Variants in RIPOR2 observed in about 807,000 individuals in gnomAD.
The protein encoded by RIPOR2 is rho family-interacting cell polarization regulator 2.
Under a neutral mutation model 114.5 loss-of-function variants are expected in RIPOR2, and 39 were observed. The observed-to-expected ratio is 0.34, with a 90% CI of 0.26 to 0.44. RIPOR2 has a LOEUF of 0.44. Ranked by LOEUF, RIPOR2 falls within the 20% of genes least tolerant of loss-of-function variation. RIPOR2 has a pLI of 1.00. For synonymous variants in RIPOR2, 445 were observed against 484.4 expected, an observed-to-expected ratio of 0.92 and a Z score of 1.07; for missense variants, 1,007 against 1,255.1, an observed-to-expected ratio of 0.80 and a Z score of 2.99.
At chr6:24,874,809 A>T (rs1310524516) in intron 2 of RIPOR2, among the ~76,000 whole-genome samples, 1 of 152,262 alleles carries the variant, frequency 6.6e-6, no homozygotes, top group African/African-American at 2.4e-5. Flanking sequence ...ATTCTATATG[A>T]CATTAAAATA....
chr6:24,901,529 G>T (rs1332935899), intron 1 of RIPOR2, among the ~76,000 whole-genome samples: 1 of 152,098 alleles, frequency 6.6e-6, no homozygotes, highest in Non-Finnish European at 1.5e-5. Context: ...AAATTCAAAG[G>T]GCAAACTTTT....
intron 8 of RIPOR2, among the ~76,000 whole-genome samples, chr6:24,857,925 T>C (rs2113815774): frequency 6.6e-6 from 1 of 152,330 alleles, no homozygotes; most frequent in Middle Eastern, 3.4e-3. Flanking sequence ...TAATTCTCCA[T>C]AGCTCTTCTC....
chr6:24,881,213 C>T (rs1209116188), intron 1 of RIPOR2, among the ~76,000 whole-genome samples: 1 of 152,236 alleles, frequency 6.6e-6, no homozygotes, highest in Non-Finnish European at 1.5e-5. Context: ...CATTGTACTC[C>T]AGCCTGGGTG....
At chr6:24,945,843 T>A (rs1772377011) in intron 1 of RIPOR2, among the ~76,000 whole-genome samples, 1 of 152,118 alleles carries the variant, frequency 6.6e-6, no homozygotes, top group South Asian at 2.1e-4. Flanking sequence ...ATAAAAAATT[T>A]CTTTTATTCT....
chr6:24,999,131 A>T (rs988406890), intron 1 of RIPOR2, among the ~76,000 whole-genome samples: 18 of 152,186 alleles, frequency 1.2e-4, no homozygotes, highest in African/African-American at 3.9e-4. Context: ...GAGAATAAAA[A>T]TTCCAGGCAG....
rs1382502442 is a variant in RIPOR2 at position 25,001,430 on chromosome 6, C to CTGGCCAACA, written c.76+40412_76+40420dup. On this transcript the variant is annotated intron_variant, in intron 1 of 13. Coordinates refer to the RIPOR2 transcript ENST00000510784. Reference sequence around the variant, plus strand: ...ACGAGGTCAGGAGTTTGAGACCAGCCTGGCCAACATGGTGTAACCCCGTCT... The same window carrying CTGGCCAACA: ...ACGAGGTCAGGAGTTTGAGACCAGCCTGGCCAACATGGCCAACATGGTGTAACCCCGTCT... Among the ~76,000 whole-genome samples the CTGGCCAACA allele has an allele frequency of 2.0e-5, 3 of 151,996 alleles. No individual in the cohort carries two copies. In the East Asian group the frequency reaches 5.9e-4, roughly 30 times the overall value.
intron 1 of RIPOR2, among the ~76,000 whole-genome samples, chr6:25,009,319 T>A (rs970327564): frequency 9.1e-4 from 139 of 152,366 alleles, no homozygotes; most frequent in African/African-American, 3.1e-3. Context: ...GCAGTTTCTC[T>A]GAATTCACTT....
At chr6:24,974,308 T>C (rs1389066180) in intron 1 of RIPOR2, among the ~76,000 whole-genome samples, 3 of 152,116 alleles carry the variant, frequency 2.0e-5, no homozygotes, top group Non-Finnish European at 4.4e-5. Flanking sequence ...AGTTCCAGGC[T>C]GCAGTGAGCC....
At chr6:24,847,828 G>A in intron 12 of RIPOR2, 197 bp downstream of exon 12, 9 of 1,167,878 alleles carry the variant, frequency 7.7e-6, no homozygotes, top group Non-Finnish European at 1.1e-5. Context: ...GCTGATCTTA[G>A]AGAATGTTCA....
intron 19 of RIPOR2, among the ~76,000 whole-genome samples, chr6:24,822,069 C>T (rs1467596552): frequency 6.6e-6 from 1 of 152,150 alleles, no homozygotes; most frequent in African/African-American, 2.4e-5. Flanking sequence ...GGTGCATGTC[C>T]AGCTTGTGTA....
intron 1 of RIPOR2, among the ~76,000 whole-genome samples, chr6:24,904,228 A>C (rs1768744985): frequency 6.6e-6 from 1 of 152,238 alleles, no homozygotes; most frequent in Non-Finnish European, 1.5e-5. Flanking sequence ...AATGGGTCTC[A>C]CTGGACTAAA....
chr6:24,872,876 C>T lies in RIPOR2; in HGVS notation c.423+5G>A. 6.3e-7 allele frequency: 1 copy of T among 1,591,544 alleles called. No individual in the cohort carries two copies. The highest frequency in any genetic ancestry group is 8.6e-7 in the Non-Finnish European group (1 of 1,160,856). ...TTAACATCATAATGACTGCATAGTA[C>T]CTACCAGGCGAGAGTTTCTTTTCAT... On this transcript the variant is annotated splice_donor_5th_base_variant and intron_variant, in intron 4 of 21. Transcript: ENST00000643898.
intron 13 of RIPOR2, 135 bp from the exon 14 acceptor site, chr6:24,839,407 C>T: frequency 7.0e-7 from 1 of 1,431,562 alleles, no homozygotes; most frequent in South Asian, 1.5e-5. Flanking sequence ...TTAAAAAATG[C>T]ATTTAAAAAT....
At chr6:24,839,376 G>GTT in intron 13 of RIPOR2, 104 bp from the exon 14 acceptor site, 1 of 1,437,936 alleles carries the variant, frequency 7.0e-7, no homozygotes, top group Non-Finnish European at 9.2e-7. Context: ...TTTGTTTCAA[G>GTT]TTTTTATTTT....
intron 1 of RIPOR2, among the ~76,000 whole-genome samples, chr6:24,953,801 C>A (rs754503453): frequency 2.0e-5 from 3 of 152,218 alleles, no homozygotes; most frequent in Non-Finnish European, 4.4e-5. Context: ...TCCAATCATA[C>A]ATCTGCATGA....
chr6:24,871,019 G>T, intron 4 of RIPOR2, 130 bp from the exon 5 acceptor site: 2 of 554,566 alleles, frequency 3.6e-6, no homozygotes, highest in Non-Finnish European at 6.1e-6. Flanking sequence ...AAATTCTACT[G>T]GATGTTTTAC....
intron 1 of RIPOR2, among the ~76,000 whole-genome samples, chr6:24,984,643 C>CT (rs370767634): frequency 3.1e-5 from 2 of 65,504 alleles, no homozygotes; most frequent in African/African-American, 1.3e-4. Context: ...TAGTGAGACC[C>CT]CGTCTCTCAA....
intron 13 of RIPOR2, chr6:24,840,686 T>C: frequency 6.5e-7 from 1 of 1,534,926 alleles, no homozygotes; most frequent in Non-Finnish European, 8.7e-7. Context: ...TCTTTCGGTC[T>C]TTTAAATCAC....
At chr6:24,936,955 C>T (rs1771843069), upstream of RIPOR2, among the ~76,000 whole-genome samples, 1 of 152,178 alleles carries the variant, frequency 6.6e-6, no homozygotes, top group African/African-American at 2.4e-5. Flanking sequence ...AAGATACTCC[C>T]AGTGTTACCC....
Sources: allele counts gnomAD v4.1 joint callset (sites outside exome capture counted in the v4.1 genomes callset), GRCh38; gene constraint gnomAD v4.1.1; transcripts MANE v1.5; gene names NCBI Gene and HGNC (gene_info 2026-07-23, HGNC 2026-07-21).